SEMA6D: variants seen among roughly 807,000 people sequenced by gnomAD.
The protein encoded by SEMA6D is semaphorin 6D.
In SEMA6D, 35 loss-of-function variants were observed where a neutral mutation model predicts 106.6. That is an observed-to-expected ratio of 0.33 (90% CI 0.25 to 0.44). SEMA6D has a LOEUF of 0.44. Ranked by LOEUF, SEMA6D falls within the 20% of genes least tolerant of loss-of-function variation. The probability of loss-of-function intolerance (pLI) is 1.00; values close to 1 mark genes in which losing one functional copy is unlikely to be tolerated. For synonymous variants in SEMA6D, 499 were observed against 487.7 expected (o/e 1.02, Z -0.31); for missense variants, 1,185 against 1,345.9 (o/e 0.88, Z 1.87).
rs181632562 is a variant in SEMA6D at position 47,761,462 on chromosome 15, T to C, written c.447+31T>C. The C allele has an allele frequency of 2.4e-4, 367 of 1,539,784 alleles. 2 individuals carry two copies. In the Admixed American group the frequency reaches 6.7e-3, roughly 28 times the overall value. ...TATATTTTATGTGATATGCTTCTTT[T>C]GATCAACTTTTCTCCCTTCACTGAT... On this transcript the variant is annotated intron_variant, in intron 6 of 18. Coordinates refer to ENST00000536845, the MANE Select transcript of SEMA6D (RefSeq NM_001358351.3).
At chr15:47,276,181 T>G (rs914776581) in intron 1 of SEMA6D, among the ~76,000 whole-genome samples, 3 of 152,096 alleles carry the variant, frequency 2.0e-5, no homozygotes, top group Non-Finnish European at 2.9e-5. Context: ...ATAAAAGGTC[T>G]CCATAACATA....
chr15:47,215,178 T>A (rs2030456983), intron 1 of SEMA6D, among the ~76,000 whole-genome samples: 2 of 89,218 alleles, frequency 2.2e-5, no homozygotes, highest in South Asian at 3.1e-4. Context: ...TTATACTTTA[T>A]ATCGTGCAAT....
Position 47,367,092 on chromosome 15 carries a change from C to A in SEMA6D, c.-238-45301C>A, listed in dbSNP as rs182118379. 3.3e-3 allele frequency among the ~76,000 whole-genome samples: 510 copies of A among 152,262 alleles called. 3 individuals are homozygous for A. The highest frequency in any genetic ancestry group is 4.1e-3 in the Non-Finnish European group (280 of 68,020). On this transcript the variant is annotated intron_variant, in intron 1 of 19. Coordinates refer to the SEMA6D transcript ENST00000558014. Reference sequence around the variant, plus strand: ...AGCTCTTTAACGGAATTAATAATAGCATCTGCCTCATAGAGTTGGGGTGAG... The same window carrying A: ...AGCTCTTTAACGGAATTAATAATAGAATCTGCCTCATAGAGTTGGGGTGAG...
chr15:47,366,841 A>G (rs899861805), intron 1 of SEMA6D, among the ~76,000 whole-genome samples: 2 of 152,216 alleles, frequency 1.3e-5, no homozygotes, highest in Non-Finnish European at 2.9e-5. Context: ...GCCAGATCAC[A>G]TAGAATCCTT....
intron 1 of SEMA6D, chr15:47,730,385 C>T (rs1432821731): frequency 6.9e-7 from 1 of 1,445,880 alleles, no homozygotes; most frequent in East Asian, 2.3e-5. Context: ...TCTTGCCTTC[C>T]CCTTGATAAT....
chr15:47,751,671 G>A (rs1263705441), intron 1 of SEMA6D, among the ~76,000 whole-genome samples: 2 of 152,074 alleles, frequency 1.3e-5, no homozygotes, highest in African/African-American at 4.8e-5. Flanking sequence ...TTTGTTTAGT[G>A]GTACTAAATC....
chr15:47,498,713 G>A (rs185069066), intron 3 of SEMA6D, among the ~76,000 whole-genome samples: 4 of 152,198 alleles, frequency 2.6e-5, no homozygotes, highest in Admixed American at 2.0e-4. Flanking sequence ...TACCTTGGAG[G>A]GGCGCTGGAG....
At chr15:47,544,671 G>T (rs1304755007) in intron 3 of SEMA6D, among the ~76,000 whole-genome samples, 3 of 151,896 alleles carry the variant, frequency 2.0e-5, no homozygotes, top group Non-Finnish European at 4.4e-5. Context: ...AAACCTTCTG[G>T]AATATGAAGG....
intron 2 of SEMA6D, among the ~76,000 whole-genome samples, chr15:47,444,852 A>G (rs2041982423): frequency 6.6e-6 from 1 of 152,060 alleles, no homozygotes; most frequent in Non-Finnish European, 1.5e-5. Context: ...CAGATAGCTT[A>G]AAGTTAACCA....
At chr15:47,363,454 ATAT>A (rs997533923) in intron 1 of SEMA6D, among the ~76,000 whole-genome samples, 2 of 152,204 alleles carry the variant, frequency 1.3e-5, no homozygotes, top group Non-Finnish European at 2.9e-5. Context: ...CAAGATGGTA[ATAT>A]TAATCTTTAG....
chr15:47,625,961 G>T (rs1165442196), intron 4 of SEMA6D, among the ~76,000 whole-genome samples: 3 of 152,056 alleles, frequency 2.0e-5, no homozygotes, highest in African/African-American at 7.2e-5. Flanking sequence ...ACATTTTCTA[G>T]CTGAAGATTT....
intron 1 of SEMA6D, among the ~76,000 whole-genome samples, chr15:47,407,178 A>G (rs2040603682): frequency 6.6e-6 from 1 of 151,974 alleles, no homozygotes; most frequent in Non-Finnish European, 1.5e-5. Context: ...AGCCTGGCCA[A>G]TGGTGAAACC....
At chr15:47,740,321 C>G (rs777956818) in intron 1 of SEMA6D, among the ~76,000 whole-genome samples, 1 of 152,106 alleles carries the variant, frequency 6.6e-6, no homozygotes, top group East Asian at 1.9e-4. Flanking sequence ...GAGATCGAGA[C>G]CATCCTGACC....
At chr15:47,341,845 T>C (rs1312417330) in intron 1 of SEMA6D, among the ~76,000 whole-genome samples, 5 of 152,026 alleles carry the variant, frequency 3.3e-5, no homozygotes, top group Non-Finnish European at 5.9e-5. Flanking sequence ...GTTTCCCCAA[T>C]AGTGAGCTCA....
At chr15:47,447,161 C>T (rs765895779) in intron 2 of SEMA6D, among the ~76,000 whole-genome samples, 1 of 152,118 alleles carries the variant, frequency 6.6e-6, no homozygotes, top group Non-Finnish European at 1.5e-5. Flanking sequence ...GCCCAGCCTT[C>T]AAGATCCTCT....
Position 47,510,696 on chromosome 15 carries a change from A to G in SEMA6D, c.-87+40151A>G, listed in dbSNP as rs145072709. Among the ~76,000 whole-genome samples the G allele has an allele frequency of 6.1e-3, 924 of 152,322 alleles. 11 individuals carry two copies. Among genetic ancestry groups the G allele is most frequent in the African/African-American group, 0.02 (847 of 41,568 alleles). ...GCAGCAGTAAGTGCCACAGGAAATC[A>G]GGAAGAGCAGAGACTGTGGGTGAGC... On this transcript the variant is annotated intron_variant, in intron 3 of 19. Transcript: ENST00000558014.
intron 3 of SEMA6D, among the ~76,000 whole-genome samples, chr15:47,504,245 T>C (rs1309447528): frequency 6.6e-6 from 1 of 152,118 alleles, no homozygotes; most frequent in East Asian, 1.9e-4. Context: ...ACTCCCAACT[T>C]CTGAATTCTT....
At chr15:47,275,420 T>A (rs1475301897) in intron 1 of SEMA6D, among the ~76,000 whole-genome samples, 1 of 152,152 alleles carries the variant, frequency 6.6e-6, no homozygotes, top group Non-Finnish European at 1.5e-5. Flanking sequence ...TTGAACAAGT[T>A]TATCAGTGCA....
intron 1 of SEMA6D, among the ~76,000 whole-genome samples, chr15:47,284,526 C>G (rs1181584903): frequency 6.6e-6 from 1 of 152,064 alleles, no homozygotes; most frequent in African/African-American, 2.4e-5. Flanking sequence ...ATTTGAGATT[C>G]CACTATAAAT....
Sources: gnomAD v4.1 joint callset for allele counts (sites outside exome capture counted in the v4.1 genomes callset) on GRCh38, gnomAD v4.1.1 for gene constraint, MANE v1.5 for transcripts, NCBI Gene and HGNC (gene_info 2026-07-23, HGNC 2026-07-21) for gene names.